PDE10A: variants seen among roughly 807,000 people sequenced by gnomAD.
PDE10A encodes cAMP and cAMP-inhibited cGMP 3',5'-cyclic phosphodiesterase 10A.
A neutral mutation model predicts 97.7 loss-of-function variants in PDE10A; 39 were observed. That is an observed-to-expected ratio of 0.40 (90% CI 0.31 to 0.52). PDE10A has a LOEUF of 0.52. PDE10A is among the 20% of genes least tolerant of loss of function. The pLI, the probability that PDE10A is intolerant of heterozygous loss-of-function variation, is 0.56. For missense variants in PDE10A, 731 were observed against 1,047.8 expected (o/e 0.70, Z 4.17); for synonymous variants, 371 against 376.8 (o/e 0.98, Z 0.18).
At chr6:165,679,036 A>G (rs1203144235) in intron 1 of PDE10A, among the ~76,000 whole-genome samples, 31 of 152,186 alleles carry the variant, frequency 2.0e-4, no homozygotes, top group Non-Finnish European at 5.9e-5. Flanking sequence ...TCTCCTAAGG[A>G]TATTTTGAAA....
At chr6:165,607,705 A>C (rs1787278148) in intron 1 of PDE10A, among the ~76,000 whole-genome samples, 1 of 152,194 alleles carries the variant, frequency 6.6e-6, no homozygotes, top group Non-Finnish European at 1.5e-5. Flanking sequence ...CATGTATGTG[A>C]AATGTGTCTC....
intron 1 of PDE10A, among the ~76,000 whole-genome samples, chr6:165,659,692 T>C (rs576108974): frequency 1.5e-4 from 23 of 152,196 alleles, no homozygotes; most frequent in Middle Eastern, 3.4e-3. Context: ...CGAGGGGGCC[T>C]TTCTTGAAAG....
chr6:165,773,060 C>T (rs1778060393), intron 1 of PDE10A: 2 of 152,322 alleles, frequency 1.3e-5, no homozygotes, highest in Admixed American at 1.3e-4. Context: ...TTTGAATTTT[C>T]ATTTTCTTTT....
At chr6:165,617,596 T>C (rs868660304) in intron 1 of PDE10A, among the ~76,000 whole-genome samples, 4 of 152,114 alleles carry the variant, frequency 2.6e-5, no homozygotes, top group Admixed American at 6.5e-5. Flanking sequence ...GAGGTGCTTG[T>C]TGGAAAGACT....
chr6:165,353,640 A>C (rs1782840679), intron 18 of PDE10A, among the ~76,000 whole-genome samples: 2 of 152,224 alleles, frequency 1.3e-5, no homozygotes, highest in Admixed American at 1.3e-4. Context: ...TTGAAAGTCA[A>C]CTACTCTATG....
At chr6:165,879,567 T>C (rs1197176168) in intron 1 of PDE10A, among the ~76,000 whole-genome samples, 1 of 152,212 alleles carries the variant, frequency 6.6e-6, no homozygotes, top group Non-Finnish European at 1.5e-5. Flanking sequence ...TCCCTTGCTA[T>C]CTTCAGGGGA....
chr6:165,842,484 C>T (rs1780289419), intron 1 of PDE10A, among the ~76,000 whole-genome samples: 1 of 152,240 alleles, frequency 6.6e-6, no homozygotes, highest in Non-Finnish European at 1.5e-5. Context: ...TGCAGCAGCC[C>T]AGCACCCACT....
At chr6:165,556,002 G>C (rs535749827) in intron 1 of PDE10A, among the ~76,000 whole-genome samples, 1 of 151,746 alleles carries the variant, frequency 6.6e-6, no homozygotes, top group African/African-American at 2.4e-5. Flanking sequence ...ACTTGCAGAC[G>C]AACTGCATAG....
At chr6:165,576,422 T>C (rs1043322874) in intron 1 of PDE10A, 5 of 780,848 alleles carry the variant, frequency 6.4e-6, no homozygotes, top group Non-Finnish European at 1.2e-5. Context: ...CTGTTAAATG[T>C]TGGGATTTCC....
chr6:165,365,641 G>A (rs1286657404), intron 18 of PDE10A, among the ~76,000 whole-genome samples: 2 of 152,216 alleles, frequency 1.3e-5, no homozygotes, highest in African/African-American at 2.4e-5. Flanking sequence ...GAACCCTTGA[G>A]CCTGGGAGGT....
chr6:165,714,145 G>A (rs182071154), intron 1 of PDE10A, among the ~76,000 whole-genome samples: 7 of 152,302 alleles, frequency 4.6e-5, no homozygotes, highest in African/African-American at 1.2e-4. Flanking sequence ...CCCCTATTGC[G>A]TATCTGCATT....
intron 1 of PDE10A, among the ~76,000 whole-genome samples, chr6:165,839,982 CCCA>C (rs1221957977): frequency 7.2e-5 from 11 of 152,072 alleles, no homozygotes; most frequent in East Asian, 1.9e-4. Context: ...CATCCCCATC[CCCA>C]TCTCCAACTC....
intron 1 of PDE10A, among the ~76,000 whole-genome samples, chr6:165,855,780 A>G (rs1780715110): frequency 2.0e-5 from 3 of 151,978 alleles, no homozygotes; most frequent in Admixed American, 2.0e-4. Context: ...GAAAACATGA[A>G]TAAGAGCACG....
chr6:165,349,789 GA>G (rs1343973597), intron 18 of PDE10A, among the ~76,000 whole-genome samples: 1 of 152,172 alleles, frequency 6.6e-6, no homozygotes, highest in Non-Finnish European at 1.5e-5. Context: ...CAGTGGTGAC[GA>G]AAAGGGGCCA....
chr6:165,859,175 T>G (rs1780831542), intron 1 of PDE10A, among the ~76,000 whole-genome samples: 2 of 152,348 alleles, frequency 1.3e-5, no homozygotes, highest in South Asian at 4.1e-4. Context: ...TTCCATCCAG[T>G]GCTGATTCAT....
chr6:165,377,768 G>A (rs1451421687), intron 18 of PDE10A, among the ~76,000 whole-genome samples: 1 of 152,070 alleles, frequency 6.6e-6, no homozygotes, highest in Non-Finnish European at 1.5e-5. Flanking sequence ...GTTTCTACAT[G>A]TCTTGGAACA....
chr6:165,625,567 C>G (rs1248117433), intron 1 of PDE10A, among the ~76,000 whole-genome samples: 1 of 152,212 alleles, frequency 6.6e-6, no homozygotes, highest in Admixed American at 6.5e-5. Context: ...TGAATTGTAG[C>G]TTCCAGAATT....
chr6:165,874,099 G>A (rs1781272390), intron 1 of PDE10A, among the ~76,000 whole-genome samples: 1 of 152,208 alleles, frequency 6.6e-6, no homozygotes, highest in Admixed American at 6.5e-5. Context: ...GTCAGGAGAT[G>A]AAAACAGCCA....
At chr6:165,438,717 G>A (rs1790219217) in intron 5 of PDE10A, among the ~76,000 whole-genome samples, 1 of 152,040 alleles carries the variant, frequency 6.6e-6, no homozygotes, top group South Asian at 2.1e-4. Context: ...CAGGGCTTTT[G>A]GAGGCTGTGG....
Sources: gnomAD v4.1 joint callset for allele counts (sites outside exome capture counted in the v4.1 genomes callset) on GRCh38, gnomAD v4.1.1 for gene constraint, MANE v1.5 for transcripts, NCBI Gene and HGNC (gene_info 2026-07-23, HGNC 2026-07-21) for gene names.